The following ZNF804A variants were observed in gnomAD, a reference collection of about 807,000 sequenced individuals.
ZNF804A encodes the protein zinc finger protein 804A.
A neutral mutation model predicts 16.5 loss-of-function variants in ZNF804A; 2 were observed. The ratio of observed to expected loss-of-function variants is 0.12; its 90% CI spans 0.05 to 0.38. The LOEUF is 0.38. Among genes scored for constraint, ZNF804A ranks in the 10% least tolerant of loss-of-function variants. The probability of loss-of-function intolerance (pLI) is 0.99; values close to 1 mark genes in which losing one functional copy is unlikely to be tolerated. For missense variants in ZNF804A, 1,473 were observed against 1,390.7 expected, an observed-to-expected ratio of 1.06 and a Z score of -0.94; for synonymous variants, 534 against 489.6, an observed-to-expected ratio of 1.09 and a Z score of -1.20.
Position 184,609,775 on chromosome 2 carries a change from T to C in ZNF804A, c.111+10705T>C, listed in dbSNP as rs561591053. ...ATCTCCCAAAGGCTTCATCTTCTAA[T>C]ACCATCACATTGGGAGTTAGGATTT... On this transcript the variant is annotated intron_variant, in intron 1 of 3. Coordinates refer to ENST00000302277, the MANE Select transcript of ZNF804A (RefSeq NM_194250.2). 7.9e-5 allele frequency among the ~76,000 whole-genome samples: 12 copies of C among 152,356 alleles called. No individual in the cohort carries two copies. The East Asian group carries it at 2.3e-3, about 29-fold the overall frequency.
At chr2:184,685,937 T>C (rs986473766) in intron 1 of ZNF804A, among the ~76,000 whole-genome samples, 3 of 152,244 alleles carry the variant, frequency 2.0e-5, no homozygotes, top group Non-Finnish European at 4.4e-5. Context: ...GCCCTCAGCC[T>C]CTGATGGCCT....
At position 184,716,832 on chromosome 2, in the gene ZNF804A, T is replaced by C. The variant is rs183153603; in HGVS notation, c.111+117762T>C. Among the ~76,000 whole-genome samples, 10 of 152,316 alleles carry C rather than the reference T, an allele frequency of 6.6e-5. No homozygotes were observed. In the East Asian group the frequency reaches 1.9e-3, roughly 29 times the overall value. ...GTTTGTGAACATGAATGTAAAAATA[T>C]TCAAGATTATAACTAGTGTGAATGG... On this transcript the variant is annotated intron_variant, in intron 1 of 3. Coordinates refer to ENST00000302277, the MANE Select transcript of ZNF804A (RefSeq NM_194250.2).
intron 1 of ZNF804A, among the ~76,000 whole-genome samples, chr2:184,748,348 G>A (rs1327555003): frequency 6.6e-6 from 1 of 150,882 alleles, no homozygotes; most frequent in Non-Finnish European, 1.5e-5. Flanking sequence ...TTTCTCATTG[G>A]GATCTTAATT....
intron 1 of ZNF804A, among the ~76,000 whole-genome samples, chr2:184,644,642 C>T (rs979570433): frequency 3.3e-5 from 5 of 151,712 alleles, no homozygotes; most frequent in East Asian, 3.9e-4. Context: ...CTTCTTTGTT[C>T]GTTCTTAAAC....
intron 1 of ZNF804A, among the ~76,000 whole-genome samples, chr2:184,718,519 A>AG (rs767282319): frequency 5.9e-5 from 9 of 152,238 alleles, no homozygotes; most frequent in Non-Finnish European, 8.8e-5. Flanking sequence ...TGAAATAAAA[A>AG]GCAAGTTAGT....
At chr2:184,742,698 T>A (rs1237349652) in intron 1 of ZNF804A, among the ~76,000 whole-genome samples, 1 of 150,288 alleles carries the variant, frequency 6.7e-6, no homozygotes, top group African/African-American at 2.5e-5. Context: ...GGTTCTAGGA[T>A]TCTGGTGAAA....
intron 1 of ZNF804A, among the ~76,000 whole-genome samples, chr2:184,829,829 A>G (rs935843469): frequency 4.7e-5 from 7 of 147,850 alleles, no homozygotes; most frequent in African/African-American, 1.7e-4. Flanking sequence ...TGGAAGGCCA[A>G]GACTGGCAGA....
In ZNF804A at chr2:184,935,855, A is replaced by G. The variant is rs553072965; in HGVS notation, c.459A>G (p.Gln153=). ...GAGAAAACTGTAATGAAATTTCCCA[A>G]CGAGTTGTTGTGGATTCAGTTAATA... is the stretch of plus-strand genomic sequence containing the variant. ...TVRENCNEIS[Q]RVVVDSVNNQ... Residue 153 remains glutamine, a synonymous_variant, in exon 4 of 4, where the codon CAA becomes CAG. Transcript: ENST00000302277. 6 of 1,613,746 alleles carry G rather than the reference A, an allele frequency of 3.7e-6. No individual in the cohort carries two copies. In the Admixed American group the frequency reaches 8.3e-5, roughly 22 times the overall value.
At chr2:184,793,464 T>A (rs755319792) in intron 1 of ZNF804A, among the ~76,000 whole-genome samples, 4 of 152,152 alleles carry the variant, frequency 2.6e-5, no homozygotes, top group Non-Finnish European at 4.4e-5. Context: ...TGATAGCCAC[T>A]CTGACTGGTG....
At chr2:184,771,310 C>T (rs1023913926) in intron 1 of ZNF804A, among the ~76,000 whole-genome samples, 3 of 151,852 alleles carry the variant, frequency 2.0e-5, no homozygotes, top group African/African-American at 7.3e-5. Context: ...TAACAAGTCA[C>T]CACAAGCTTA....
intron 2 of ZNF804A, among the ~76,000 whole-genome samples, chr2:184,920,533 A>G (rs1685514493): frequency 6.6e-6 from 1 of 152,184 alleles, no homozygotes; most frequent in African/African-American, 2.4e-5. Context: ...ATGCCTTTAT[A>G]TAATTCCCTT....
intron 1 of ZNF804A, among the ~76,000 whole-genome samples, chr2:184,858,378 T>G (rs1483553558): frequency 6.6e-6 from 1 of 151,506 alleles, no homozygotes; most frequent in African/African-American, 2.4e-5. Context: ...TTGGCACACA[T>G]CTGTAATTCC....
intron 1 of ZNF804A, among the ~76,000 whole-genome samples, chr2:184,863,609 G>A (rs1695832154): frequency 6.6e-6 from 1 of 151,326 alleles, no homozygotes; most frequent in Non-Finnish European, 1.5e-5. Context: ...TTTAGAGAGA[G>A]GAAGTAGCTT....
intron 1 of ZNF804A, among the ~76,000 whole-genome samples, chr2:184,840,760 G>C (rs1207234258): frequency 6.6e-6 from 1 of 151,840 alleles, no homozygotes; most frequent in Non-Finnish European, 1.5e-5. Context: ...CTCTTATTCA[G>C]CTTAAGAATT....
At chr2:184,736,257 G>A (rs1170828889) in intron 1 of ZNF804A, among the ~76,000 whole-genome samples, 10 of 152,128 alleles carry the variant, frequency 6.6e-5, no homozygotes, top group Admixed American at 5.9e-4. Context: ...GCAGTAGGGA[G>A]ACAATTTTGT....
intron 1 of ZNF804A, among the ~76,000 whole-genome samples, chr2:184,745,821 T>C (rs1187142184): frequency 6.6e-6 from 1 of 151,618 alleles, no homozygotes; most frequent in African/African-American, 2.4e-5. Flanking sequence ...TAAGACAAAG[T>C]AAATAATGGA....
intron 2 of ZNF804A, among the ~76,000 whole-genome samples, chr2:184,877,311 A>G (rs72907715): frequency 0.05 from 7,659 of 152,160 alleles, 252 homozygotes; most frequent in Middle Eastern, 0.079. Flanking sequence ...ATTTTATTTT[A>G]AAGAAATTGA....
At chr2:184,781,938 T>C (rs1694377575) in intron 1 of ZNF804A, among the ~76,000 whole-genome samples, 1 of 151,878 alleles carries the variant, frequency 6.6e-6, no homozygotes, top group Admixed American at 6.6e-5. Context: ...GTTTGCAAGA[T>C]AAATTCTTCT....
chr2:184,775,920 T>A (rs1323044389), intron 1 of ZNF804A, among the ~76,000 whole-genome samples: 2 of 151,600 alleles, frequency 1.3e-5, no homozygotes, highest in Non-Finnish European at 3.0e-5. Context: ...GTTATAAAAC[T>A]CTAACTACGC....
Sources: allele counts gnomAD v4.1 joint callset (sites outside exome capture counted in the v4.1 genomes callset), GRCh38; gene constraint gnomAD v4.1.1; transcripts MANE v1.5; gene names NCBI Gene and HGNC (gene_info 2026-07-23, HGNC 2026-07-21).